The following TMEM164 variants were observed in gnomAD, a reference collection of about 807,000 sequenced individuals.
TMEM164 encodes the protein transmembrane protein 164, also known as RP13-360B22.2.
A neutral mutation model predicts 18.8 loss-of-function variants in TMEM164; 4 were observed. The observed-to-expected ratio is 0.21, with a 90% CI of 0.10 to 0.49. The LOEUF (loss-of-function observed/expected upper bound fraction) is 0.49, where lower values mean the gene tolerates loss of function less well. Ranked by LOEUF, TMEM164 falls within the 20% of genes least tolerant of loss-of-function variation. The pLI is 0.98. For missense variants in TMEM164, 108 were observed against 239.9 expected (o/e 0.45, Z 3.63); for synonymous variants, 86 against 101.7 (o/e 0.85, Z 0.93).
chrX:110,030,776 A>C (rs1279325079), intron 2 of TMEM164, among the ~76,000 whole-genome samples: 10 of 99,621 alleles, frequency 1.0e-4, no homozygotes, highest in African/African-American at 3.3e-4. Flanking sequence ...GCGCCACTGC[A>C]CTCCAGCCTG....
intron 5 of TMEM164, among the ~76,000 whole-genome samples, chrX:110,152,081 T>C (rs1270115143): frequency 3.0e-5 from 3 of 98,644 alleles, no homozygotes; most frequent in Non-Finnish European, 6.1e-5. Context: ...GTCTGAGACG[T>C]AGTCTCACTC....
chrX:110,134,289 C>G (rs1371815291), intron 4 of TMEM164, among the ~76,000 whole-genome samples: 1 of 111,042 alleles, frequency 9.0e-6, no homozygotes, highest in Admixed American at 9.6e-5. Context: ...GTGGCTCACG[C>G]CTGTAATCGC....
At chrX:110,081,123 G>A (rs1187606685) in intron 3 of TMEM164, among the ~76,000 whole-genome samples, 1 of 110,238 alleles carries the variant, frequency 9.1e-6, no homozygotes, top group Non-Finnish European at 1.9e-5. Flanking sequence ...AAAGTAGAGA[G>A]CCCTTAAAAT....
chrX:110,041,310 C>T (rs1835346457), intron 2 of TMEM164, among the ~76,000 whole-genome samples: 1 of 112,047 alleles, frequency 8.9e-6, no homozygotes, highest in African/African-American at 3.2e-5. Flanking sequence ...TGCCACGTAA[C>T]TTTATTAATA....
At chrX:110,067,697 G>C (rs1432651346) in intron 3 of TMEM164, among the ~76,000 whole-genome samples, 6 of 112,218 alleles carry the variant, frequency 5.3e-5, no homozygotes, top group African/African-American at 1.9e-4. Flanking sequence ...AGCATGCTAG[G>C]GGCCAGACAG....
At chrX:110,074,614 C>T (rs1202419561) in intron 3 of TMEM164, among the ~76,000 whole-genome samples, 2 of 111,712 alleles carry the variant, frequency 1.8e-5, no homozygotes, top group African/African-American at 6.5e-5. Context: ...ATGTTTAAGT[C>T]ATCTTGAGTT....
In TMEM164 at chrX:110,168,377, G is replaced by GAGGGTTGGACAGAC. The variant is rs758433138; in HGVS notation, c.587-3041_587-3028dup. 9.6e-4 allele frequency among the ~76,000 whole-genome samples: 109 copies of GAGGGTTGGACAGAC among 113,125 alleles called. 1 individual carries two copies. Among genetic ancestry groups the GAGGGTTGGACAGAC allele is most frequent in the African/African-American group, 3.1e-3 (96 of 31,218 alleles). On this transcript the variant is annotated intron_variant, in intron 5 of 6. Transcript: ENST00000372068. ...TTGACCCTGAGATGCACTTGGTCTA[G>GAGGGTTGGACAGAC]AGGGTTGGACAGACAAGGGAAGAGA...
chrX:110,058,726 G>A (rs1258660731), intron 2 of TMEM164, among the ~76,000 whole-genome samples: 1 of 104,927 alleles, frequency 9.5e-6, no homozygotes, highest in Non-Finnish European at 1.9e-5. Flanking sequence ...TCCTGCCTCA[G>A]CAGGAGAAGT....
intron 2 of TMEM164, among the ~76,000 whole-genome samples, chrX:110,007,659 T>C (rs1489660955): frequency 8.9e-6 from 1 of 112,227 alleles, no homozygotes; most frequent in African/African-American, 3.2e-5. Context: ...CATAGCTATT[T>C]AAGTCTTAAA....
intron 5 of TMEM164, among the ~76,000 whole-genome samples, chrX:110,163,961 G>GA (rs1287694263): frequency 8.9e-6 from 1 of 112,318 alleles, no homozygotes; most frequent in African/African-American, 3.2e-5. Flanking sequence ...TGTGAAGTGG[G>GA]AAGCAAGGTT....
At chrX:110,149,604 G>C (rs1006869578) in intron 5 of TMEM164, among the ~76,000 whole-genome samples, 7 of 111,562 alleles carry the variant, frequency 6.3e-5, no homozygotes, top group African/African-American at 2.0e-4. Flanking sequence ...TTCTGTTCTA[G>C]GCTCACATCT....
rs146231291 is a variant in TMEM164, at chrX:110,097,183, G to A, written c.441-11897G>A. ...GATGGGATTTCATCATGTTGGCCAGGCTGGTCTCGAACTCCTGACCTCAAA... is the reference window on the plus strand; with the variant it reads ...GATGGGATTTCATCATGTTGGCCAGACTGGTCTCGAACTCCTGACCTCAAA... On this transcript the variant is annotated intron_variant, in intron 3 of 6. Coordinates refer to ENST00000372068, the MANE Select transcript of TMEM164 (RefSeq NM_032227.4). 5.6e-4 allele frequency among the ~76,000 whole-genome samples: 62 copies of A among 111,583 alleles called. 2 individuals carry two copies. Among genetic ancestry groups the A allele is most frequent in the African/African-American group, 1.9e-3 (59 of 30,719 alleles).
At chrX:110,041,072 G>A (rs1281692348) in intron 2 of TMEM164, among the ~76,000 whole-genome samples, 2 of 111,912 alleles carry the variant, frequency 1.8e-5, no homozygotes, top group African/African-American at 3.3e-5. Flanking sequence ...TTTCTTTGTC[G>A]CTTCTGTTAT....
At chrX:110,099,983 G>T (rs771520678) in intron 3 of TMEM164, among the ~76,000 whole-genome samples, 1 of 111,888 alleles carries the variant, frequency 8.9e-6, no homozygotes, top group East Asian at 2.8e-4. Context: ...CAAAAATGTT[G>T]CTTTTCAATT....
chrX:110,131,524 G>A (rs1382889562), intron 4 of TMEM164, among the ~76,000 whole-genome samples: 7 of 111,002 alleles, frequency 6.3e-5, no homozygotes, highest in Non-Finnish European at 1.3e-4. Flanking sequence ...ATGATGTGTT[G>A]GTCCTGTCAT....
At chrX:110,181,405 G>A (rs2067323348), downstream of TMEM164, among the ~76,000 whole-genome samples, 1 of 112,358 alleles carries the variant, frequency 8.9e-6, no homozygotes, top group African/African-American at 3.2e-5. Flanking sequence ...AGCCACCTCA[G>A]GCAGCGGGGG....
At chrX:110,144,268 T>C (rs890955009) in intron 4 of TMEM164, among the ~76,000 whole-genome samples, 8 of 111,759 alleles carry the variant, frequency 7.2e-5, no homozygotes, top group South Asian at 7.4e-4. Context: ...ATAATTCTAC[T>C]CCATATATTC....
chrX:110,128,124 A>G (rs1004160266), intron 4 of TMEM164, among the ~76,000 whole-genome samples: 3 of 112,637 alleles, frequency 2.7e-5, no homozygotes, highest in African/African-American at 9.7e-5. Context: ...TCTGGTGACC[A>G]AAGGGAGAAT....
At chrX:110,016,578 G>A (rs1933384010) in intron 2 of TMEM164, among the ~76,000 whole-genome samples, 1 of 112,212 alleles carries the variant, frequency 8.9e-6, no homozygotes, top group South Asian at 3.7e-4. Context: ...CGTTAATTAT[G>A]CTTTAGGCAT....
Sources: gnomAD v4.1 joint callset for allele counts (sites outside exome capture counted in the v4.1 genomes callset) on GRCh38, gnomAD v4.1.1 for gene constraint, MANE v1.5 for transcripts, NCBI Gene and HGNC (gene_info 2026-07-23, HGNC 2026-07-21) for gene names.